SOX13: variants seen among roughly 807,000 people sequenced by gnomAD.
SOX13 encodes transcription factor SOX-13.
Under a neutral mutation model 71.8 loss-of-function variants are expected in SOX13, and 28 were observed. The ratio of observed to expected loss-of-function variants is 0.39; its 90% CI spans 0.29 to 0.53. SOX13 has a LOEUF of 0.53. Among genes scored for constraint, SOX13 ranks in the 20% least tolerant of loss-of-function variants. SOX13 has a pLI of 0.70. For synonymous variants in SOX13, 309 were observed against 317.8 expected (o/e 0.97, Z 0.29); for missense variants, 627 against 810.3 (o/e 0.77, Z 2.75).
In SOX13 at chr1:204,126,239, C is replaced by G; in HGVS notation, c.*105C>G. On this transcript the variant is annotated 3_prime_UTR_variant, in exon 14 of 14. Transcript: ENST00000367204. ...GACTATGTTGGTACTTGGACTTGTT[C>G]GTGCCCCAGAGATGGGCAAAGCTGT... 2.4e-6 allele frequency: 3 copies of G among 1,270,254 alleles called. No individual in the cohort carries two copies. Among genetic ancestry groups the G allele is most frequent in the Admixed American group, 2.1e-5 (1 of 47,554 alleles). The allele number at this position is 1,270,254 out of a possible 1,614,324, so 78.7% of individuals were successfully genotyped here.
At chr1:204,122,697 T>C (rs1314670042) in intron 9 of SOX13, 157 bp from the exon 10 acceptor site, 6 of 618,760 alleles carry the variant, frequency 9.7e-6, no homozygotes, top group Non-Finnish European at 1.8e-5. Context: ...CCTGAGGACA[T>C]GCAATGCAGC....
At chr1:204,106,287 T>G (rs1199720078) in intron 1 of SOX13, among the ~76,000 whole-genome samples, 1 of 152,108 alleles carries the variant, frequency 6.6e-6, no homozygotes, top group Non-Finnish European at 1.5e-5. Flanking sequence ...TAATTGGGTG[T>G]GGGAGAAAAA....
intron 1 of SOX13, among the ~76,000 whole-genome samples, chr1:204,075,948 C>G (rs1224577791): frequency 6.6e-6 from 1 of 152,214 alleles, no homozygotes; most frequent in Non-Finnish European, 1.5e-5. Flanking sequence ...TCAATTATAA[C>G]ATTGCCCACT....
chr1:204,108,663 C>G (rs1416145110), intron 1 of SOX13, among the ~76,000 whole-genome samples: 1 of 152,210 alleles, frequency 6.6e-6, no homozygotes, highest in African/African-American at 2.4e-5. Flanking sequence ...AGGAGGGACC[C>G]GGTGGCCGGC....
intron 1 of SOX13, among the ~76,000 whole-genome samples, chr1:204,103,685 G>A (rs1174399084): frequency 6.6e-6 from 1 of 152,250 alleles, no homozygotes; most frequent in Non-Finnish European, 1.5e-5. Context: ...GCTGGGCACT[G>A]TCCCTGCAGG....
At chr1:204,076,010 C>G in intron 1 of SOX13, among the ~76,000 whole-genome samples, 1 of 152,174 alleles carries the variant, frequency 6.6e-6, no homozygotes. Flanking sequence ...TGATTCCAGC[C>G]CCTCAGATCA....
At chr1:204,118,533 G>C (rs1401232122) in intron 7 of SOX13, 1 of 151,970 alleles carries the variant, frequency 6.6e-6, no homozygotes, top group Non-Finnish European at 1.5e-5. Context: ...GCTAATTTTT[G>C]TATTTTTAGT....
intron 1 of SOX13, among the ~76,000 whole-genome samples, chr1:204,105,376 C>T (rs1490680709): frequency 6.6e-6 from 1 of 150,844 alleles, no homozygotes; most frequent in Non-Finnish European, 1.5e-5. Flanking sequence ...CCGCTTAGCG[C>T]CCCAGCTGGC....
chr1:204,115,897 C>T (rs1656682846), intron 4 of SOX13, among the ~76,000 whole-genome samples: 1 of 151,884 alleles, frequency 6.6e-6, no homozygotes, highest in Non-Finnish European at 1.5e-5. Flanking sequence ...AACTCCTGAC[C>T]TCAAGTGATC....
rs1452575015 is a variant in SOX13 at position 204,123,194 on chromosome 1, G to A, written c.1217G>A (p.Ser406Asn). Residue 406 changes from serine (S) to asparagine (N), a missense_variant, in exon 11 of 14, where the codon AGC (serine) becomes AAC (asparagine). Physicochemically the swap from Ser to Asn is conservative, Grantham distance 46 (BLOSUM62 1). Coordinates refer to ENST00000367204, the MANE Select transcript of SOX13 (RefSeq NM_005686.3). The surrounding 1 kb of genome is among the most constrained non-coding windows in gnomAD (Gnocchi z 5.0). ...CACCCACTGGAGGAAGCCATGCTGA[G>A]CTGCGACATGGATGGTGAGGGCTCA... Reference protein sequence around the residue: ...CVHPLEEAMLSCDMDGSRHFP... With the variant: ...CVHPLEEAMLNCDMDGSRHFP... 1 of 1,613,432 alleles carries A rather than the reference G, an allele frequency of 6.2e-7. No individual in the cohort carries two copies.
At chr1:204,074,732 G>GTGAA (rs1351739727) in intron 1 of SOX13, among the ~76,000 whole-genome samples, 2 of 152,196 alleles carry the variant, frequency 1.3e-5, no homozygotes, top group Admixed American at 6.5e-5. Flanking sequence ...TGGGCGGGAA[G>GTGAA]TGAATTTTGA....
intron 1 of SOX13, among the ~76,000 whole-genome samples, chr1:204,080,500 G>A (rs1023852409): frequency 1.3e-5 from 2 of 152,086 alleles, no homozygotes; most frequent in African/African-American, 2.4e-5. Flanking sequence ...TGGGGGATCC[G>A]CCCCAGAGGA....
intron 13 of SOX13, 39 bp downstream of exon 13, chr1:204,124,896 G>T (rs1285262974): frequency 7.0e-6 from 10 of 1,432,908 alleles, no homozygotes; most frequent in Non-Finnish European, 9.6e-6. Context: ...GAGACTGTGT[G>T]TACATGTGTA....
At chr1:204,110,095 G>A (rs1656548555) in intron 1 of SOX13, among the ~76,000 whole-genome samples, 1 of 152,018 alleles carries the variant, frequency 6.6e-6, no homozygotes, top group African/African-American at 2.4e-5. Flanking sequence ...GCCTCCCAAA[G>A]TGCTGGAATT....
intron 1 of SOX13, among the ~76,000 whole-genome samples, chr1:204,082,554 G>A (rs1454007853): frequency 6.6e-6 from 1 of 152,138 alleles, no homozygotes; most frequent in African/African-American, 2.4e-5. Flanking sequence ...GGCAGTCATG[G>A]AACCCCAGCC....
chr1:204,075,717 T>C (rs1005724805), intron 1 of SOX13, among the ~76,000 whole-genome samples: 1 of 152,140 alleles, frequency 6.6e-6, no homozygotes, highest in Admixed American at 6.5e-5. Flanking sequence ...CTCTGGGCAA[T>C]TTAACTTAAC....
intron 5 of SOX13, 52 bp downstream of exon 5, chr1:204,116,731 A>G (rs1029762389): frequency 1.9e-6 from 3 of 1,600,466 alleles, no homozygotes; most frequent in African/African-American, 2.7e-5. Context: ...GGAGTGTGTC[A>G]GGACCTAGAG....
At chr1:204,124,583 G>A (rs1571597152) in intron 12 of SOX13, 58 bp from the exon 13 acceptor site, 1 of 1,457,428 alleles carries the variant, frequency 6.9e-7, no homozygotes, top group East Asian at 2.4e-5. Flanking sequence ...CCTGCATGGG[G>A]CTGGGGGTGG....
intron 1 of SOX13, among the ~76,000 whole-genome samples, chr1:204,079,412 C>T (rs112069329): frequency 0.075 from 10,157 of 135,940 alleles, 520 homozygotes; most frequent in Middle Eastern, 0.12. Context: ...GTGGTGCAAT[C>T]TTGGCTCACT....
Sources: gnomAD v4.1 joint callset for allele counts (sites outside exome capture counted in the v4.1 genomes callset) on GRCh38, gnomAD v4.1.1 for gene constraint, Gnocchi (gnomAD v3.1) non-coding constraint, MANE v1.5 for transcripts, NCBI Gene and HGNC (gene_info 2026-07-23, HGNC 2026-07-21) for gene names.